Variants in PATJ observed in about 807,000 individuals in gnomAD.
The protein encoded by PATJ is inaD-like protein.
PATJ carries 190 observed loss-of-function variants against 224.9 expected under a neutral mutation model. That is an observed-to-expected ratio of 0.84 (90% CI 0.75 to 0.95). PATJ has a LOEUF of 0.95. Ranked by LOEUF, PATJ falls within the 40% of genes least tolerant of loss-of-function variation. The pLI is 0.00. For missense variants in PATJ, 2,121 were observed against 2,270.3 expected, an observed-to-expected ratio of 0.93 and a Z score of 1.34; for synonymous variants, 769 against 820.3, an observed-to-expected ratio of 0.94 and a Z score of 1.07.
chr1:62,046,029 T>C (rs947858577), intron 30 of PATJ, among the ~76,000 whole-genome samples: 8 of 152,026 alleles, frequency 5.3e-5, no homozygotes, highest in Non-Finnish European at 1.2e-4. Flanking sequence ...GGTGAAACCC[T>C]GTCTCTACAA....
intron 31 of PATJ, among the ~76,000 whole-genome samples, chr1:62,055,332 G>A (rs1409447108): frequency 6.6e-6 from 1 of 152,190 alleles, no homozygotes; most frequent in African/African-American, 2.4e-5. Context: ...GTATAAACTT[G>A]TGTGCTTATA....
intron 17 of PATJ, among the ~76,000 whole-genome samples, chr1:61,847,762 CT>C (rs1662195267): frequency 6.6e-6 from 1 of 152,160 alleles, no homozygotes; most frequent in Non-Finnish European, 1.5e-5. Context: ...AGAAGACAGT[CT>C]TTTGAAATGA....
chr1:61,854,882 T>A (rs779004361), intron 17 of PATJ, among the ~76,000 whole-genome samples: 52 of 152,242 alleles, frequency 3.4e-4, no homozygotes, highest in Non-Finnish European at 2.9e-4. Context: ...TCAAGAAATA[T>A]GGGGCTCTCC....
chr1:62,013,175 A>G (rs1646553872), intron 28 of PATJ, among the ~76,000 whole-genome samples: 1 of 152,234 alleles, frequency 6.6e-6, no homozygotes, highest in South Asian at 2.1e-4. Flanking sequence ...TGCTTTCTTC[A>G]TTTGGGATCT....
intron 28 of PATJ, among the ~76,000 whole-genome samples, chr1:62,000,824 A>G (rs565596501): frequency 2.6e-5 from 4 of 151,276 alleles, no homozygotes; most frequent in Non-Finnish European, 5.9e-5. Context: ...ACAGTGTAAA[A>G]GTGTTCCTAT....
chr1:61,928,364 C>T (rs188868806), intron 27 of PATJ, among the ~76,000 whole-genome samples: 10 of 152,260 alleles, frequency 6.6e-5, no homozygotes, highest in African/African-American at 2.4e-4. Context: ...CTAGTGTATA[C>T]TATTGCTAAT....
chr1:61,852,203 CA>C (rs1662939410), intron 17 of PATJ, among the ~76,000 whole-genome samples: 3 of 149,304 alleles, frequency 2.0e-5, no homozygotes, highest in Admixed American at 1.3e-4. Flanking sequence ...TACACTGTTA[CA>C]GTGTGTATAA....
intron 7 of PATJ, among the ~76,000 whole-genome samples, chr1:61,779,501 T>G (rs1039276767): frequency 2.6e-5 from 4 of 152,242 alleles, no homozygotes; most frequent in African/African-American, 9.6e-5. Context: ...TTGTATATGC[T>G]AATCACATTT....
chr1:61,978,316 A>T (rs1488171124), intron 27 of PATJ, among the ~76,000 whole-genome samples: 6 of 143,380 alleles, frequency 4.2e-5, no homozygotes, highest in Non-Finnish European at 9.0e-5. Flanking sequence ...CCTAGGCTGG[A>T]GTGCAATGGT....
chr1:62,147,898 G>A (rs57653889), intron 41 of PATJ, among the ~76,000 whole-genome samples: 2,826 of 151,872 alleles, frequency 0.019, 61 homozygotes, highest in African/African-American at 0.057. Context: ...GGGAGGCAGA[G>A]TTTGCAGTGA....
intron 27 of PATJ, among the ~76,000 whole-genome samples, chr1:61,973,975 A>G (rs1389119441): frequency 6.6e-6 from 1 of 151,574 alleles, no homozygotes; most frequent in Non-Finnish European, 1.5e-5. Flanking sequence ...GTGCATAAGA[A>G]TTTCATAAAG....
At chr1:61,941,392 T>C (rs919825750) in intron 27 of PATJ, among the ~76,000 whole-genome samples, 5 of 152,204 alleles carry the variant, frequency 3.3e-5, no homozygotes, top group Non-Finnish European at 7.3e-5. Flanking sequence ...GGCTCATGCC[T>C]GTAATCCCAG....
intron 22 of PATJ, among the ~76,000 whole-genome samples, chr1:61,890,501 CCTT>C (rs945828094): frequency 6.6e-5 from 10 of 150,878 alleles, no homozygotes; most frequent in Middle Eastern, 3.4e-3. Flanking sequence ...GTTTTTTTTT[CCTT>C]CTTCTTCTTT....
intron 43 of PATJ, among the ~76,000 whole-genome samples, chr1:62,157,417 A>G (rs1297779021): frequency 1.3e-5 from 2 of 149,498 alleles, no homozygotes; most frequent in African/African-American, 4.8e-5. Context: ...CTACACACCC[A>G]AAGTGCCTGC....
intron 28 of PATJ, among the ~76,000 whole-genome samples, chr1:62,000,831 C>G (rs1645720218): frequency 6.6e-6 from 1 of 151,242 alleles, no homozygotes; most frequent in African/African-American, 2.5e-5. Context: ...AAAAGTGTTC[C>G]TATTTCTCCA....
intron 27 of PATJ, among the ~76,000 whole-genome samples, chr1:61,980,240 A>G (rs72914071): frequency 0.089 from 13,467 of 151,946 alleles, 1,208 homozygotes; most frequent in East Asian, 0.39. Flanking sequence ...AGCCATGATT[A>G]TGCCGCTGAA....
chr1:62,000,590 C>G (rs180821575), intron 28 of PATJ, among the ~76,000 whole-genome samples: 1 of 150,906 alleles, frequency 6.6e-6, no homozygotes, highest in Admixed American at 6.6e-5. Context: ...CTTAATCCAG[C>G]CTATCATTGT....
chr1:61,979,665 A>AG (rs1235108849), intron 27 of PATJ, among the ~76,000 whole-genome samples: 23 of 151,710 alleles, frequency 1.5e-4, no homozygotes, highest in African/African-American at 4.9e-4. Context: ...AGAAAAAAAA[A>AG]AAAAAGATTA....
chr1:62,013,688 G>A (rs185790127), intron 28 of PATJ, among the ~76,000 whole-genome samples: 31 of 152,318 alleles, frequency 2.0e-4, no homozygotes, highest in Admixed American at 6.5e-4. Flanking sequence ...AAAGCTTCTG[G>A]AAGCAGAGGC....
Sources: gnomAD v4.1 joint callset for allele counts (sites outside exome capture counted in the v4.1 genomes callset) on GRCh38, gnomAD v4.1.1 for gene constraint, MANE v1.5 for transcripts, NCBI Gene and HGNC (gene_info 2026-07-23, HGNC 2026-07-21) for gene names.